OLFM1: variants seen among roughly 807,000 people sequenced by gnomAD.
OLFM1 encodes olfactomedin 1, also known as noelin.
Under a neutral mutation model 49.7 loss-of-function variants are expected in OLFM1, and 9 were observed. The observed-to-expected ratio is 0.18, with a 90% CI of 0.11 to 0.32. The LOEUF (loss-of-function observed/expected upper bound fraction) is 0.32, where lower values mean the gene tolerates loss of function less well. OLFM1 is among the 10% of genes least tolerant of loss of function. OLFM1 has a pLI of 1.00. For synonymous variants in OLFM1, 240 were observed against 271.8 expected, an observed-to-expected ratio of 0.88 and a Z score of 1.15; for missense variants, 369 against 661.8, an observed-to-expected ratio of 0.56 and a Z score of 4.85.
At chr9:135,109,713 C>T (rs1830995953) in intron 5 of OLFM1, among the ~76,000 whole-genome samples, 1 of 151,468 alleles carries the variant, frequency 6.6e-6, no homozygotes, top group South Asian at 2.1e-4. Context: ...CAATAACTCG[C>T]TCCAAAAAAA....
At chr9:135,119,357 TCTGGGTCTTTGGAGTGCTCA>T in intron 5 of OLFM1, 127 bp from the exon 6 acceptor site, 1 of 600,644 alleles carries the variant, frequency 1.7e-6, no homozygotes, top group African/African-American at 2.2e-5. Flanking sequence ...TGGAGTGCTT[TCTGGGTCTTTGGAGTGCTCA>T]CTGGGTCTTT....
In OLFM1 at chr9:135,088,269, G is replaced by A. The variant is rs538341749; in HGVS notation, c.150+130G>A. ...TCGCCCAGGGAGGCGGCGGGGAGCA[G>A]GGCGGGCAAGGGCAGGCGTCGCGGG... On this transcript the variant is annotated intron_variant, in intron 1 of 5. Coordinates refer to ENST00000371793, the MANE Select transcript of OLFM1 (RefSeq NM_001282611.2). The surrounding 1 kb of genome is among the most constrained non-coding windows in gnomAD (Gnocchi z 4.8). 1.5e-5 allele frequency: 13 copies of A among 851,874 alleles called. No homozygotes were observed. The South Asian group carries it at 5.3e-4, about 35-fold the overall frequency. 52.8% of individuals were successfully genotyped at this position (851,874 alleles called of 1,614,324 possible). A position where few individuals can be genotyped will look rare whatever the true frequency, so the allele number is the denominator to read the frequency against.
At chr9:135,109,340 T>C (rs1329340905) in intron 5 of OLFM1, among the ~76,000 whole-genome samples, 1 of 152,230 alleles carries the variant, frequency 6.6e-6, no homozygotes, top group Non-Finnish European at 1.5e-5. Flanking sequence ...TGCAAAGCTG[T>C]CGCGGTGCTG....
intron 1 of OLFM1, chr9:135,077,166 A>C: frequency 6.5e-7 from 1 of 1,546,916 alleles, no homozygotes; most frequent in Non-Finnish European, 8.7e-7. Context: ...ACACACACAC[A>C]CATGCACACA....
At chr9:135,090,959 C>T (rs1830677500) in intron 2 of OLFM1, among the ~76,000 whole-genome samples, 1 of 152,228 alleles carries the variant, frequency 6.6e-6, no homozygotes, top group African/African-American at 2.4e-5. Context: ...ATGTCGTTTG[C>T]ATAACATATT....
chr9:135,112,773 G>T (rs965054658), intron 5 of OLFM1, among the ~76,000 whole-genome samples: 4 of 152,214 alleles, frequency 2.6e-5, no homozygotes, highest in Admixed American at 2.6e-4. Flanking sequence ...GTGAGAGCTT[G>T]CCTTCTGCAG....
At chr9:135,104,774 G>A (rs547944679) in intron 4 of OLFM1, among the ~76,000 whole-genome samples, 68 of 152,266 alleles carry the variant, frequency 4.5e-4, no homozygotes, top group Non-Finnish European at 8.8e-4. Flanking sequence ...CCCAGCAGCC[G>A]GAGGGTGAGC....
Position 135,094,545 on chromosome 9 carries a change from G to A in OLFM1, c.301-1319G>A, listed in dbSNP as rs141285540. 4.8e-4 allele frequency among the ~76,000 whole-genome samples: 73 copies of A among 152,282 alleles called. 1 individual carries two copies. The highest frequency in any genetic ancestry group is 2.7e-3 in the East Asian group (14 of 5,192). ...TATTAGAGGTATGCTTCCGTTTCTC[G>A]GGGAAGAGAAGGGGTGAGAGGGAGC... On this transcript the variant is annotated intron_variant, in intron 2 of 5. Transcript: ENST00000371793.
rs1321617499 is a variant in OLFM1 at position 135,088,183 on chromosome 9, C to T, written c.150+44C>T. 2.0e-5 allele frequency: 25 copies of T among 1,270,102 alleles called. No homozygotes were observed. Among genetic ancestry groups the T allele is most frequent in the Non-Finnish European group, 2.5e-5 (25 of 999,168 alleles). 78.7% of individuals were successfully genotyped at this position (1,270,102 alleles called of 1,614,324 possible). Reference sequence around the variant, plus strand: ...CGCCTTGGCGCGGCTCCTCCTCCTCCTCCTCCTCCCCCTCCTCGGTCCGGA... The same window carrying T: ...CGCCTTGGCGCGGCTCCTCCTCCTCTTCCTCCTCCCCCTCCTCGGTCCGGA... On this transcript the variant is annotated intron_variant, in intron 1 of 5. Transcript: ENST00000371793. The surrounding 1 kb of genome is among the most constrained non-coding windows in gnomAD (Gnocchi z 4.8).
Position 135,120,211 on chromosome 9 carries a change from C to A in OLFM1, c.*33C>A. On this transcript the variant is annotated 3_prime_UTR_variant, in exon 6 of 6. Transcript: ENST00000371793. ...CTCCTGGAAGCCAAGGGCCCACGTC[C>A]TCACCACAAAGGGACTCCTGTGAAA... 6.4e-7 allele frequency: 1 copy of A among 1,564,528 alleles called. No homozygotes were observed. Among genetic ancestry groups the A allele is most frequent in the African/African-American group, 1.4e-5 (1 of 73,494 alleles).
chr9:135,087,305 C>G, upstream of OLFM1: 1 of 1,514,758 alleles, frequency 6.6e-7, no homozygotes, highest in Non-Finnish European at 8.8e-7. Flanking sequence ...GGCGCCGTCT[C>G]TCTGCCGGCA....
Position 135,106,826 on chromosome 9 carries a change from G to C in OLFM1, c.754G>C (p.Asp252His). 6.2e-7 allele frequency: 1 copy of C among 1,612,448 alleles called. No homozygotes were observed. The highest frequency in any genetic ancestry group is 8.5e-7 in the Non-Finnish European group (1 of 1,179,392). ...CTCGAGGTTCGGATCCTGGATGACA[G>C]ACCCTCTCGCCCCTGAAGGCGATAA... ...SGSRFGSWMT[D>H]PLAPEGDNRV... is the part of the protein sequence containing the mutation. Residue 252 changes from aspartate to histidine, a missense_variant, in exon 5 of 6, where the codon GAC becomes CAC. This residue lies in a region of OLFM1 where 294 missense variants were observed against 567.5 expected (regional missense o/e 0.52). Coordinates refer to ENST00000371793, the MANE Select transcript of OLFM1 (RefSeq NM_001282611.2).
Position 135,078,230 on chromosome 9 carries a change from C to T in OLFM1, c.96+2428C>T, listed in dbSNP as rs183434701. 1.7e-3 allele frequency among the ~76,000 whole-genome samples: 254 copies of T among 152,280 alleles called. 1 individual carries two copies. Among genetic ancestry groups the T allele is most frequent in the African/African-American group, 5.9e-3 (244 of 41,542 alleles). ...CTGGAGCTGCCTGGTGTCTGCCTCC[C>T]GCTTCCACTGTAGGTAAATTGCTCC... On this transcript the variant is annotated intron_variant, in intron 1 of 5. Transcript: ENST00000252854.
intron 5 of OLFM1, among the ~76,000 whole-genome samples, chr9:135,110,076 C>T (rs1048006225): frequency 6.6e-6 from 1 of 152,214 alleles, no homozygotes; most frequent in African/African-American, 2.4e-5. Context: ...GGCACCGGGC[C>T]CCACAGCCCC....
At chr9:135,095,469 T>A (rs1414209907) in intron 2 of OLFM1, among the ~76,000 whole-genome samples, 1 of 150,714 alleles carries the variant, frequency 6.6e-6, no homozygotes, top group Non-Finnish European at 1.5e-5. Context: ...CTAACTAATG[T>A]TGTCCTGCAA....
At chr9:135,077,602 C>G (rs1398190342) in intron 1 of OLFM1, among the ~76,000 whole-genome samples, 1 of 152,186 alleles carries the variant, frequency 6.6e-6, no homozygotes, top group Non-Finnish European at 1.5e-5. Flanking sequence ...GGACCCTGGT[C>G]AGCTCCGCCA....
chr9:135,119,477 T>C (rs1588226707), intron 5 of OLFM1, 27 bp from the exon 6 acceptor site: 5 of 1,569,310 alleles, frequency 3.2e-6, no homozygotes, highest in South Asian at 1.2e-5. Flanking sequence ...TTGGAAGTGC[T>C]CACCACCGGG....
chr9:135,105,383 C>T (rs966798896), intron 4 of OLFM1, among the ~76,000 whole-genome samples: 3 of 152,218 alleles, frequency 2.0e-5, no homozygotes, highest in African/African-American at 7.2e-5. Context: ...CCCTGGTGCC[C>T]GGATGCACGC....
In OLFM1 at chr9:135,088,823, C is replaced by T. The variant is rs1409640641; in HGVS notation, c.150+684C>T. On this transcript the variant is annotated intron_variant, in intron 1 of 5. Coordinates refer to ENST00000371793, the MANE Select transcript of OLFM1 (RefSeq NM_001282611.2). This position sits in a 1 kb window ranked among gnomAD's most constrained non-coding sequence, Gnocchi z 4.8. ...ACCCCCTCGCCTTTGCCTTCGTCTT[C>T]TGCGCGCACCCCTCCCTCCTGGCCT... Among the ~76,000 whole-genome samples, 1 of 152,206 alleles carries T rather than the reference C, an allele frequency of 6.6e-6. No individual in the cohort carries two copies. The highest frequency in any genetic ancestry group is 1.5e-5 in the Non-Finnish European group (1 of 68,036).
Sources: allele counts gnomAD v4.1 joint callset (sites outside exome capture counted in the v4.1 genomes callset), GRCh38; gene constraint gnomAD v4.1.1; regional missense constraint gnomAD v4.1.1; non-coding constraint Gnocchi (gnomAD v3.1); transcripts MANE v1.5; gene names NCBI Gene and HGNC (gene_info 2026-07-23, HGNC 2026-07-21).